The following COL5A2 variants were observed in gnomAD, a reference collection of about 807,000 sequenced individuals.
COL5A2 encodes collagen type V alpha 2 chain.
A neutral mutation model predicts 208.2 loss-of-function variants in COL5A2; 23 were observed. That is an observed-to-expected ratio of 0.11 (90% CI 0.08 to 0.16). COL5A2 has a LOEUF of 0.16. COL5A2 is among the 10% of genes least tolerant of loss of function. The pLI is 1.00. For missense variants in COL5A2, 1,590 were observed against 1,956.4 expected, an observed-to-expected ratio of 0.81 and a Z score of 3.53; for synonymous variants, 625 against 628.5, an observed-to-expected ratio of 0.99 and a Z score of 0.08.
chr2:189,042,795 A>C, intron 48 of COL5A2, 22 bp from the exon 49 acceptor site: 1 of 1,597,542 alleles, frequency 6.3e-7, no homozygotes, highest in African/African-American at 1.3e-5. Context: ...TACAATAAAA[A>C]ATGTTGCCAA....
the COL5A2 span, among the ~76,000 whole-genome samples, chr2:189,386,785 C>T: frequency 9.9e-5 from 15 of 152,048 alleles, no homozygotes; most frequent in South Asian, 2.1e-4. Flanking sequence ...TACCATTTCA[C>T]GCCAGTCAGA....
chr2:189,267,345 T>C, the COL5A2 span, among the ~76,000 whole-genome samples: 1 of 152,190 alleles, frequency 6.6e-6, no homozygotes, highest in African/African-American at 2.4e-5. Flanking sequence ...TTTATTATAG[T>C]GTAATATGTA....
rs562037847 is a variant in COL5A2 at position 189,151,899 on chromosome 2, C to A, written c.97+27609G>T. Reference sequence around the variant, plus strand: ...AAAAATCACATAACTATAGAGTTCACTTCAAAGTGTACTGTTGGGTCTAAG... The same window carrying A: ...AAAAATCACATAACTATAGAGTTCAATTCAAAGTGTACTGTTGGGTCTAAG... On this transcript the variant is annotated intron_variant, in intron 1 of 53. Transcript: ENST00000374866. Among the ~76,000 whole-genome samples, 53 of 152,270 alleles carry A rather than the reference C, an allele frequency of 3.5e-4. No individual in the cohort carries two copies. In the South Asian group the frequency reaches 0.011, roughly 31 times the overall value.
chr2:189,199,505 GGT>G (rs1689045375), intron 1 of COL5A2, among the ~76,000 whole-genome samples: 2 of 152,090 alleles, frequency 1.3e-5, no homozygotes, highest in Admixed American at 1.3e-4. Context: ...AAAAAGGCAT[GGT>G]CACACCCACT....
At chr2:189,363,465 CT>C in the COL5A2 span, among the ~76,000 whole-genome samples, 1 of 151,766 alleles carries the variant, frequency 6.6e-6, no homozygotes, top group Non-Finnish European at 1.5e-5. Context: ...ACTATTATTG[CT>C]TTTTCGCATG....
the COL5A2 span, among the ~76,000 whole-genome samples, chr2:189,281,603 C>T: frequency 2.6e-5 from 4 of 152,290 alleles, no homozygotes; most frequent in Middle Eastern, 3.4e-3. Flanking sequence ...TTAATAACTA[C>T]TCTCTATGAT....
At chr2:189,242,247 A>G in the COL5A2 span, among the ~76,000 whole-genome samples, 1 of 152,246 alleles carries the variant, frequency 6.6e-6, no homozygotes, top group Non-Finnish European at 1.5e-5. Flanking sequence ...TTAGATACTT[A>G]CTATTTATTA....
intron 12 of COL5A2, 41 bp downstream of exon 12, chr2:189,083,943 T>C (rs1216239036): frequency 6.9e-7 from 1 of 1,446,694 alleles, no homozygotes; most frequent in African/African-American, 1.4e-5. Context: ...TCAATGTTCT[T>C]TATTTTTCAA....
intron 33 of COL5A2, among the ~76,000 whole-genome samples, chr2:189,057,808 T>A (rs942011729): frequency 2.0e-5 from 3 of 152,130 alleles, no homozygotes; most frequent in Non-Finnish European, 4.4e-5. Context: ...ATTAACCTGG[T>A]TTTCAGGCTA....
At chr2:189,088,114 T>C (rs1008938437) in intron 8 of COL5A2, among the ~76,000 whole-genome samples, 6 of 152,140 alleles carry the variant, frequency 3.9e-5, no homozygotes, top group African/African-American at 1.4e-4. Flanking sequence ...ATGGGAGAGT[T>C]GGTTTTAAAA....
At chr2:189,074,466 T>G (rs917374035) in intron 17 of COL5A2, among the ~76,000 whole-genome samples, 1 of 152,166 alleles carries the variant, frequency 6.6e-6, no homozygotes, top group African/African-American at 2.4e-5. Flanking sequence ...TGGTACACAC[T>G]GAGACCTCAT....
At chr2:189,188,682 T>C (rs1688884335) in intron 1 of COL5A2, among the ~76,000 whole-genome samples, 1 of 152,160 alleles carries the variant, frequency 6.6e-6, no homozygotes. Flanking sequence ...CTATAAGAAA[T>C]GAGTGTGCTA....
At chr2:189,056,468 G>A (rs1328969274) in intron 35 of COL5A2, among the ~76,000 whole-genome samples, 1 of 152,120 alleles carries the variant, frequency 6.6e-6, no homozygotes, top group African/African-American at 2.4e-5. Flanking sequence ...ACAATGCTTT[G>A]CAGTTGACCA....
chr2:189,271,127 G>A, the COL5A2 span, among the ~76,000 whole-genome samples: 1 of 152,052 alleles, frequency 6.6e-6, no homozygotes, highest in Non-Finnish European at 1.5e-5. Context: ...AGCTACCATG[G>A]ACTTTCTTCA....
At chr2:189,409,204 C>CTTTTTTTTTT in the COL5A2 span, among the ~76,000 whole-genome samples, 4 of 92,084 alleles carry the variant, frequency 4.3e-5, no homozygotes, top group Non-Finnish European at 6.2e-5. Context: ...TAAATTTACT[C>CTTTTTTTTTT]TTTTTTTTTT....
In COL5A2 at chr2:189,041,712, G is replaced by T; in HGVS notation, c.3526-19C>A. On this transcript the variant is annotated intron_variant, in intron 49 of 53. Coordinates refer to ENST00000374866, the MANE Select transcript of COL5A2 (RefSeq NM_000393.5). ...GAGGACCCTGCAAGAAACAAAGACT[G>T]TAGTTTAGATTCTATGAAGGAAAAA... The T allele has an allele frequency of 6.3e-7, 1 of 1,580,790 alleles. No individual in the cohort carries two copies.
intron 1 of COL5A2, among the ~76,000 whole-genome samples, chr2:189,147,906 C>T (rs1688070619): frequency 1.3e-5 from 2 of 152,064 alleles, no homozygotes; most frequent in African/African-American, 4.8e-5. Flanking sequence ...CGGGACTCTA[C>T]CAAATGAGTT....
chr2:189,240,228 G>T, the COL5A2 span, among the ~76,000 whole-genome samples: 1 of 152,148 alleles, frequency 6.6e-6, no homozygotes, highest in Non-Finnish European at 1.5e-5. Context: ...GCAAACATTT[G>T]TTTCTTATAG....
chr2:189,361,039 G>A, the COL5A2 span, among the ~76,000 whole-genome samples: 15 of 151,302 alleles, frequency 9.9e-5, no homozygotes, highest in East Asian at 2.5e-3. Context: ...TATCCTAAAA[G>A]ATTTTCTGTG....
Sources: gnomAD v4.1 joint callset for allele counts (sites outside exome capture counted in the v4.1 genomes callset) on GRCh38, gnomAD v4.1.1 for gene constraint, MANE v1.5 for transcripts, NCBI Gene and HGNC (gene_info 2026-07-23, HGNC 2026-07-21) for gene names.